VOPP1: variants seen among roughly 807,000 people sequenced by gnomAD.
VOPP1 encodes WW domain binding protein VOPP1.
VOPP1 carries 8 observed loss-of-function variants against 23.5 expected under a neutral mutation model. The ratio of observed to expected loss-of-function variants is 0.34; its 90% CI spans 0.20 to 0.61. VOPP1 has a LOEUF of 0.61. VOPP1 is among the 20% of genes least tolerant of loss of function. VOPP1 has a pLI of 0.78. For synonymous variants in VOPP1, 83 were observed against 97.3 expected, an observed-to-expected ratio of 0.85 and a Z score of 0.86; for missense variants, 174 against 238.1, an observed-to-expected ratio of 0.73 and a Z score of 1.77.
intron 1 of VOPP1, among the ~76,000 whole-genome samples, chr7:55,526,406 C>T (rs539190041): frequency 6.6e-6 from 1 of 152,304 alleles, no homozygotes; most frequent in Admixed American, 6.5e-5. Context: ...CACTAGTAAT[C>T]CTCATAGTGA....
At chr7:55,466,337 G>A (rs900441760), downstream of VOPP1, among the ~76,000 whole-genome samples, 24 of 152,226 alleles carry the variant, frequency 1.6e-4, no homozygotes, top group South Asian at 4.1e-4. Flanking sequence ...GGCTGGCATA[G>A]TGCAAGTCAG....
intron 4 of VOPP1, among the ~76,000 whole-genome samples, chr7:55,464,439 A>C (rs1791583724): frequency 6.6e-6 from 1 of 152,126 alleles, no homozygotes; most frequent in Non-Finnish European, 1.5e-5. Flanking sequence ...GGTCCCTTGA[A>C]GGTATCTGCA....
chr7:55,444,503 G>A (rs907207757), intron 4 of VOPP1, among the ~76,000 whole-genome samples: 4 of 151,712 alleles, frequency 2.6e-5, no homozygotes, highest in African/African-American at 4.8e-5. Context: ...CACCTCTACC[G>A]CATTGTATTC....
At chr7:55,509,469 C>G (rs1379416349) in intron 2 of VOPP1, among the ~76,000 whole-genome samples, 2 of 152,166 alleles carry the variant, frequency 1.3e-5, no homozygotes, top group Non-Finnish European at 2.9e-5. Context: ...TAATCCCATT[C>G]ACGAGGACAG....
Position 55,472,740 on chromosome 7 carries a change from C to T in VOPP1, c.*115G>A. On this transcript the variant is annotated 3_prime_UTR_variant, in exon 5 of 5. Coordinates refer to ENST00000285279, the MANE Select transcript of VOPP1 (RefSeq NM_030796.5). ...AGAGCTGTGCTTGCTGTGAGGATATCAGAGGAACTGCCCTTAGCAGCCCAC... is the reference window on the plus strand; with the variant it reads ...AGAGCTGTGCTTGCTGTGAGGATATTAGAGGAACTGCCCTTAGCAGCCCAC... 2.0e-6 allele frequency: 1 copy of T among 506,628 alleles called. No individual in the cohort carries two copies. The highest frequency in any genetic ancestry group is 3.3e-6 in the Non-Finnish European group (1 of 303,906). The allele number at this position is 506,628 out of a possible 1,614,324, so 31.4% of individuals were successfully genotyped here.
intron 1 of VOPP1, among the ~76,000 whole-genome samples, chr7:55,539,281 G>A (rs1237762944): frequency 6.6e-6 from 1 of 152,122 alleles, no homozygotes; most frequent in African/African-American, 2.4e-5. Flanking sequence ...GGAGGCGGAG[G>A]TTGCAGTGAG....
chr7:55,549,995 G>C (rs1447489579), intron 1 of VOPP1, among the ~76,000 whole-genome samples: 1 of 152,158 alleles, frequency 6.6e-6, no homozygotes, highest in Non-Finnish European at 1.5e-5. Context: ...TCCACTTCAT[G>C]AGCCAGGCCT....
At chr7:55,518,620 C>T (rs1048499737) in intron 2 of VOPP1, among the ~76,000 whole-genome samples, 1 of 152,168 alleles carries the variant, frequency 6.6e-6, no homozygotes, top group African/African-American at 2.4e-5. Context: ...CATGGGTTGG[C>T]GCTGCTGACT....
rs1012059313 is a variant in VOPP1, at chr7:55,495,301, T to A, written c.191+2312A>T. Among the ~76,000 whole-genome samples the A allele has an allele frequency of 3.9e-5, 6 of 152,284 alleles. No individual in the cohort carries two copies. In the East Asian group the frequency reaches 1.2e-3, roughly 29 times the overall value. On this transcript the variant is annotated intron_variant, in intron 3 of 4. Transcript: ENST00000285279. ...CTCCTTGGTGAAAAGATCCTCAAGA[T>A]CTTGGAGTTGGCAGGAACTCTGAAG... is the stretch of plus-strand genomic sequence containing the variant.
chr7:55,465,145 C>G (rs954409538), intron 4 of VOPP1, among the ~76,000 whole-genome samples: 2 of 152,166 alleles, frequency 1.3e-5, no homozygotes, highest in Non-Finnish European at 2.9e-5. Context: ...TGTGATTGTT[C>G]AGTTTTGGTC....
At position 55,520,988 on chromosome 7, in the gene VOPP1, T is replaced by C. The variant is rs1012504810; in HGVS notation, c.113+84A>G. ...GCTGGGCCACGCCGGGCTTTCCCCA[T>C]CCCACACCCAGAACTTTAGCAAGAC... On this transcript the variant is annotated intron_variant, in intron 2 of 4. Transcript: ENST00000285279. 8.3e-6 allele frequency: 12 copies of C among 1,446,890 alleles called. No homozygotes were observed. The African/African-American group carries it at 1.6e-4, about 19-fold the overall frequency. 89.6% of individuals were successfully genotyped at this position (1,446,890 alleles called of 1,614,324 possible).
intron 1 of VOPP1, among the ~76,000 whole-genome samples, chr7:55,535,079 T>C (rs1796706294): frequency 6.6e-6 from 1 of 152,348 alleles, no homozygotes; most frequent in East Asian, 1.9e-4. Flanking sequence ...TGGCCTCTAG[T>C]GCCAGGGCCT....
chr7:55,480,399 G>T (rs2129012645), intron 4 of VOPP1, among the ~76,000 whole-genome samples: 1 of 152,206 alleles, frequency 6.6e-6, no homozygotes, highest in Middle Eastern at 3.4e-3. Context: ...CAACTCCTTT[G>T]AATCTGTAGT....
rs1045647825 is a variant in VOPP1 at position 55,561,439 on chromosome 7, G to A, written c.54+10832C>T. ...AGAATTTACAGACCAGGCCGGGCAC[G>A]GTGACTCATACCTGTAGTCCCAGCT... On this transcript the variant is annotated intron_variant, in intron 1 of 4. Coordinates refer to ENST00000285279, the MANE Select transcript of VOPP1 (RefSeq NM_030796.5). 5.9e-5 allele frequency among the ~76,000 whole-genome samples: 9 copies of A among 152,064 alleles called. No individual in the cohort carries two copies. The East Asian group carries it at 9.6e-4, about 16-fold the overall frequency.
chr7:55,490,622 C>A (rs754671269), intron 4 of VOPP1, among the ~76,000 whole-genome samples: 1 of 151,898 alleles, frequency 6.6e-6, no homozygotes, highest in Non-Finnish European at 1.5e-5. Flanking sequence ...CCTCCCTGTA[C>A]TAAAACCTCT....
chr7:55,494,272 C>G (rs1793791000), intron 3 of VOPP1, among the ~76,000 whole-genome samples: 1 of 152,204 alleles, frequency 6.6e-6, no homozygotes, highest in East Asian at 1.9e-4. Flanking sequence ...ACACTCAGCA[C>G]TGAGTCCTGC....
chr7:55,531,370 G>C (rs913376549), intron 1 of VOPP1, among the ~76,000 whole-genome samples: 1 of 130,842 alleles, frequency 7.6e-6, no homozygotes, highest in South Asian at 2.5e-4. Context: ...TTTTTTTTGA[G>C]AGGGAGTCTC....
chr7:55,522,764 C>T lies in VOPP1; in HGVS notation c.55-1634G>A, dbSNP rs1053511782. Among the ~76,000 whole-genome samples the T allele has an allele frequency of 6.6e-5, 10 of 152,192 alleles. No individual in the cohort carries two copies. The East Asian group carries it at 1.5e-3, about 23-fold the overall frequency. ...GCAGAGACAGGCCACAGCCACGCAGCGAGAGCCAGGTGCAAAGGGCTGGCA... is the reference window on the plus strand; with the variant it reads ...GCAGAGACAGGCCACAGCCACGCAGTGAGAGCCAGGTGCAAAGGGCTGGCA... On this transcript the variant is annotated intron_variant, in intron 1 of 4. Transcript: ENST00000285279.
chr7:55,482,004 C>T (rs1480935377), intron 4 of VOPP1, among the ~76,000 whole-genome samples: 4 of 152,210 alleles, frequency 2.6e-5, no homozygotes, highest in Non-Finnish European at 4.4e-5. Flanking sequence ...TGCATTGACA[C>T]TCCTACAGTT....
Sources: gnomAD v4.1 joint callset for allele counts (sites outside exome capture counted in the v4.1 genomes callset) on GRCh38, gnomAD v4.1.1 for gene constraint, MANE v1.5 for transcripts, NCBI Gene and HGNC (gene_info 2026-07-23, HGNC 2026-07-21) for gene names.